MAN1A2: variants seen among roughly 807,000 people sequenced by gnomAD.
MAN1A2 encodes the protein mannosidase alpha class 1A member 2, also known as mannosyl-oligosaccharide 1,2-alpha-mannosidase IB.
A neutral mutation model predicts 75.7 loss-of-function variants in MAN1A2; 26 were observed. That is an observed-to-expected ratio of 0.34 (90% CI 0.25 to 0.48). The LOEUF (loss-of-function observed/expected upper bound fraction) is 0.48, where lower values mean the gene tolerates loss of function less well. Among genes scored for constraint, MAN1A2 ranks in the 20% least tolerant of loss-of-function variants. The pLI is 0.99. For missense variants in MAN1A2, 562 were observed against 775.5 expected (o/e 0.72, Z 3.27); for synonymous variants, 247 against 264.6 (o/e 0.93, Z 0.65).
At chr1:117,499,863 C>T (rs1182105814) in intron 11 of MAN1A2, among the ~76,000 whole-genome samples, 1 of 151,060 alleles carries the variant, frequency 6.6e-6, no homozygotes, top group Non-Finnish European at 1.5e-5. Context: ...GAATCCATAG[C>T]TATCAGTACC....
At chr1:117,390,992 G>A (rs139572951) in intron 1 of MAN1A2, among the ~76,000 whole-genome samples, 12 of 152,134 alleles carry the variant, frequency 7.9e-5, no homozygotes, top group Non-Finnish European at 1.6e-4. Context: ...GGTATGTTTA[G>A]TATATTCACA....
chr1:117,391,403 A>T (rs1653714152), intron 1 of MAN1A2, among the ~76,000 whole-genome samples: 1 of 152,272 alleles, frequency 6.6e-6, no homozygotes, highest in South Asian at 2.1e-4. Context: ...TACCTATAAC[A>T]TTGTGAATTT....
chr1:117,381,201 TATA>T (rs1414902420), intron 1 of MAN1A2, among the ~76,000 whole-genome samples: 1 of 152,176 alleles, frequency 6.6e-6, no homozygotes, highest in African/African-American at 2.4e-5. Context: ...TTTTTTTTAT[TATA>T]CTTTAAGTTT....
chr1:117,385,818 A>G (rs1009508720), intron 1 of MAN1A2, among the ~76,000 whole-genome samples: 1 of 152,224 alleles, frequency 6.6e-6, no homozygotes, highest in Admixed American at 6.5e-5. Context: ...GAATTGACAT[A>G]AAAGTCTGAA....
At chr1:117,445,259 C>G (rs1649174582) in intron 6 of MAN1A2, among the ~76,000 whole-genome samples, 1 of 152,016 alleles carries the variant, frequency 6.6e-6, no homozygotes, top group South Asian at 2.1e-4. Context: ...TATTTTATTT[C>G]CTAATACCCT....
intron 6 of MAN1A2, among the ~76,000 whole-genome samples, chr1:117,445,872 G>GTATATATATATATA (rs1300576603): frequency 1.8e-5 from 2 of 114,128 alleles, no homozygotes; most frequent in Admixed American, 1.7e-4. Context: ...GTGTGTGTGT[G>GTATATATATATATA]TCTGTGTGTG....
chr1:117,452,668 A>G (rs1346730555), intron 6 of MAN1A2, among the ~76,000 whole-genome samples: 2 of 152,250 alleles, frequency 1.3e-5, no homozygotes, highest in Admixed American at 1.3e-4. Flanking sequence ...TTTGAGGCTT[A>G]CAGAGGTTGG....
intron 6 of MAN1A2, among the ~76,000 whole-genome samples, chr1:117,449,371 C>T (rs985423744): frequency 6.6e-6 from 1 of 151,936 alleles, no homozygotes; most frequent in Non-Finnish European, 1.5e-5. Flanking sequence ...CCAGCCTGGG[C>T]AACATAGTGA....
Position 117,371,010 on chromosome 1 carries a change from T to C in MAN1A2, c.302+2525T>C, listed in dbSNP as rs144016498. Among the ~76,000 whole-genome samples, 131 of 152,308 alleles carry C rather than the reference T, an allele frequency of 8.6e-4. 1 individual carries two copies. Among genetic ancestry groups the C allele is most frequent in the Admixed American group, 1.9e-3 (29 of 15,288 alleles). ...GAGAAATTTTAAAACTCTATATTGT[T>C]TCCTTTGTATCACAGTGGCATGTAT... On this transcript the variant is annotated intron_variant, in intron 1 of 12. Coordinates refer to ENST00000356554, the MANE Select transcript of MAN1A2 (RefSeq NM_006699.5).
intron 1 of MAN1A2, among the ~76,000 whole-genome samples, chr1:117,386,504 C>G (rs1468767845): frequency 6.6e-6 from 1 of 151,998 alleles, no homozygotes. Flanking sequence ...CTCATAATGC[C>G]AGTAGTGCAT....
At chr1:117,484,578 T>C (rs965988380) in intron 8 of MAN1A2, among the ~76,000 whole-genome samples, 2 of 151,968 alleles carry the variant, frequency 1.3e-5, no homozygotes, top group African/African-American at 4.8e-5. Context: ...GTGTCACAAG[T>C]TGTTTTAAGT....
chr1:117,416,301 T>A (rs763568976), intron 4 of MAN1A2, among the ~76,000 whole-genome samples: 49 of 152,162 alleles, frequency 3.2e-4, no homozygotes, highest in Admixed American at 6.6e-4. Context: ...CAATTTTTTT[T>A]ATAAGAAGCT....
intron 5 of MAN1A2, among the ~76,000 whole-genome samples, chr1:117,423,502 CT>C (rs1343637702): frequency 6.6e-6 from 1 of 151,982 alleles, no homozygotes; most frequent in Non-Finnish European, 1.5e-5. Flanking sequence ...AATGGTATAT[CT>C]CTCCATTTAT....
At chr1:117,495,587 A>C (rs1326185730) in intron 9 of MAN1A2, among the ~76,000 whole-genome samples, 2 of 151,758 alleles carry the variant, frequency 1.3e-5, no homozygotes, top group Non-Finnish European at 2.9e-5. Flanking sequence ...GCCCTAACTG[A>C]CTGCCTTTTA....
At chr1:117,402,108 AC>A (rs1647450827) in intron 1 of MAN1A2, 77 bp from the exon 2 acceptor site, 1 of 1,412,796 alleles carries the variant, frequency 7.1e-7, no homozygotes, top group Admixed American at 2.3e-5. Flanking sequence ...TAATGGAGAA[AC>A]CTTTATGTTT....
Position 117,367,998 on chromosome 1 carries a change from A to G in MAN1A2, c.-186A>G, listed in dbSNP as rs1423409995. The G allele has an allele frequency of 3.4e-6, 2 of 590,980 alleles. No homozygotes were observed. The highest frequency in any genetic ancestry group is 6.0e-6 in the Non-Finnish European group (2 of 336,070). 36.6% of individuals were successfully genotyped at this position (590,980 alleles called of 1,614,324 possible). A position where few individuals can be genotyped will look rare whatever the true frequency, so the allele number is the denominator to read the frequency against. On this transcript the variant is annotated 5_prime_UTR_variant, in exon 1 of 13. Transcript: ENST00000356554. Reference sequence around the variant, plus strand: ...AACTTGTGATCGTTTGGGGGAGGTCACACACGTTTCTGAGTGGGAATGGAT... The same window carrying G: ...AACTTGTGATCGTTTGGGGGAGGTCGCACACGTTTCTGAGTGGGAATGGAT...
At chr1:117,479,001 G>A (rs952820933) in intron 8 of MAN1A2, among the ~76,000 whole-genome samples, 13 of 151,538 alleles carry the variant, frequency 8.6e-5, no homozygotes, top group Admixed American at 3.3e-4. Flanking sequence ...GCCATGGTAG[G>A]TTGCTGCACA....
At chr1:117,506,927 A>G (rs1459013992) in intron 12 of MAN1A2, among the ~76,000 whole-genome samples, 1 of 151,608 alleles carries the variant, frequency 6.6e-6, no homozygotes, top group Non-Finnish European at 1.5e-5. Context: ...TAAAGTTTCC[A>G]GTGCCAACCT....
chr1:117,405,410 C>G (rs1272300979), intron 2 of MAN1A2, 139 bp from the exon 3 acceptor site: 1 of 634,310 alleles, frequency 1.6e-6, no homozygotes, highest in Non-Finnish European at 2.8e-6. Context: ...CATACTGATA[C>G]AAATGCTAAT....
Sources: allele counts gnomAD v4.1 joint callset (sites outside exome capture counted in the v4.1 genomes callset), GRCh38; gene constraint gnomAD v4.1.1; transcripts MANE v1.5; gene names NCBI Gene and HGNC (gene_info 2026-07-23, HGNC 2026-07-21).